Variants in SLC16A7 observed in about 807,000 individuals in gnomAD.
The protein encoded by SLC16A7 is solute carrier family 16 member 7.
Under a neutral mutation model 34.9 loss-of-function variants are expected in SLC16A7, and 33 were observed. The observed-to-expected ratio is 0.94, with a 90% CI of 0.72 to 1.26. The LOEUF is 1.26. Among genes scored for constraint, SLC16A7 ranks in the 50% most tolerant of loss-of-function variants. SLC16A7 has a pLI of 0.00. For missense variants in SLC16A7, 573 were observed against 578.1 expected, an observed-to-expected ratio of 0.99 and a Z score of 0.09; for synonymous variants, 201 against 206.6, an observed-to-expected ratio of 0.97 and a Z score of 0.23.
intron 1 of SLC16A7, among the ~76,000 whole-genome samples, chr12:59,625,639 A>G (rs1348272290): frequency 6.6e-6 from 1 of 151,838 alleles, no homozygotes; most frequent in East Asian, 1.9e-4. Flanking sequence ...AGTTGAAAAT[A>G]AGAGTAACAA....
At chr12:59,673,622 C>A (rs1435067205) in intron 2 of SLC16A7, among the ~76,000 whole-genome samples, 1 of 151,868 alleles carries the variant, frequency 6.6e-6, no homozygotes, top group Non-Finnish European at 1.5e-5. Flanking sequence ...TCTCATATAA[C>A]CCAAAAGGAC....
intron 3 of SLC16A7, chr12:59,720,087 C>T (rs1031570930): frequency 4.3e-6 from 3 of 700,266 alleles, no homozygotes; most frequent in Non-Finnish European, 7.8e-6. Flanking sequence ...AGGTTGGTAT[C>T]ATATGCAATA....
At position 59,752,735 on chromosome 12, in the gene SLC16A7, G is replaced by C. The variant is rs141325901; in HGVS notation, c.218-18484G>C. 4.9e-3 allele frequency among the ~76,000 whole-genome samples: 743 copies of C among 152,204 alleles called. 5 individuals are homozygous for C. Among genetic ancestry groups the C allele is most frequent in the African/African-American group, 0.018 (729 of 41,530 alleles). The stretch of plus-strand genomic sequence containing the variant: ...ATCTAGCAAGGCAGGCCAACATTCA[G>C]GTTCAGGAAATACAGAGAACGCCAC... On this transcript the variant is annotated intron_variant, in intron 3 of 5. Transcript: ENST00000547379.
At chr12:59,729,241 C>T (rs1018810362) in intron 3 of SLC16A7, among the ~76,000 whole-genome samples, 30 of 152,330 alleles carry the variant, frequency 2.0e-4, no homozygotes, top group African/African-American at 7.2e-4. Context: ...CACAATTTCA[C>T]AGAATCCATA....
intron 1 of SLC16A7, among the ~76,000 whole-genome samples, chr12:59,621,789 TAGG>T (rs997769418): frequency 1.3e-5 from 2 of 151,618 alleles, no homozygotes; most frequent in African/African-American, 4.8e-5. Flanking sequence ...TTTATTTAGG[TAGG>T]GGGGTTGGGG....
Position 59,779,466 on chromosome 12 carries a change from G to T in SLC16A7, c.1224G>T (p.Met408Ile). ...DLTGEYKYMY[M>I]SCGAIVVAAS... ...CTGGAGAATATAAATACATGTACAT[G>T]TCCTGTGGGGCTATTGTGGTAGCAG... is the stretch of plus-strand genomic sequence containing the variant. The change falls in exon 6 of 6, where the codon ATG becomes ATT. Residue 408 changes from methionine to isoleucine, a missense_variant. Transcript: ENST00000547379. 1 of 1,611,158 alleles carries T rather than the reference G, an allele frequency of 6.2e-7. No individual in the cohort carries two copies. Among genetic ancestry groups the T allele is most frequent in the South Asian group, 1.1e-5 (1 of 90,996 alleles).
At chr12:59,767,948 TG>T (rs1398800013) in intron 3 of SLC16A7, among the ~76,000 whole-genome samples, 1 of 65,076 alleles carries the variant, frequency 1.5e-5, no homozygotes, top group East Asian at 4.5e-4. Flanking sequence ...TGTCGTGGGG[TG>T]GGGGGAAGGG....
At chr12:59,753,358 C>A (rs931383965) in intron 3 of SLC16A7, among the ~76,000 whole-genome samples, 3 of 152,204 alleles carry the variant, frequency 2.0e-5, no homozygotes, top group East Asian at 3.9e-4. Context: ...ATTCAGGAAA[C>A]CCATTTCATG....
intron 1 of SLC16A7, among the ~76,000 whole-genome samples, chr12:59,601,204 G>A (rs1051256411): frequency 4.6e-5 from 7 of 152,132 alleles, no homozygotes; most frequent in Non-Finnish European, 8.8e-5. Flanking sequence ...AATACAATAT[G>A]TATCATTATT....
intron 3 of SLC16A7, among the ~76,000 whole-genome samples, chr12:59,732,638 T>A (rs940528553): frequency 7.2e-5 from 11 of 152,208 alleles, no homozygotes; most frequent in African/African-American, 2.7e-4. Context: ...CTTCCTGTAT[T>A]ACTTAAATTT....
intron 3 of SLC16A7, among the ~76,000 whole-genome samples, chr12:59,729,030 A>G (rs1041000199): frequency 6.6e-6 from 1 of 152,208 alleles, no homozygotes; most frequent in African/African-American, 2.4e-5. Flanking sequence ...AAATTGCAAA[A>G]TACCTTTTCA....
intron 3 of SLC16A7, among the ~76,000 whole-genome samples, chr12:59,731,143 A>G (rs931220334): frequency 5.3e-5 from 8 of 152,192 alleles, no homozygotes; most frequent in African/African-American, 1.9e-4. Context: ...AAAATATTCA[A>G]GCTTAAATAT....
intron 2 of SLC16A7, among the ~76,000 whole-genome samples, chr12:59,700,597 TTATG>T (rs1872761843): frequency 1.3e-5 from 2 of 150,836 alleles, no homozygotes; most frequent in South Asian, 4.1e-4. Context: ...TATATTTAGT[TTATG>T]TATTACATAT....
chr12:59,623,542 CAT>C, intron 1 of SLC16A7, among the ~76,000 whole-genome samples: 1 of 150,776 alleles, frequency 6.6e-6, no homozygotes, highest in South Asian at 2.1e-4. Flanking sequence ...ATTGAGATAC[CAT>C]ATATGTTGTC....
intron 3 of SLC16A7, among the ~76,000 whole-genome samples, chr12:59,766,862 G>T (rs973579107): frequency 6.6e-6 from 1 of 152,090 alleles, no homozygotes; most frequent in Non-Finnish European, 1.5e-5. Context: ...AGTTAGGGAG[G>T]ATTCCCTCTT....
intron 3 of SLC16A7, among the ~76,000 whole-genome samples, chr12:59,769,934 A>G (rs1352296087): frequency 2.0e-5 from 3 of 152,218 alleles, no homozygotes; most frequent in Middle Eastern, 3.4e-3. Flanking sequence ...TAAGAATGAA[A>G]TATGAAAGCA....
Position 59,771,360 on chromosome 12 carries a change from C to A in SLC16A7, c.359C>A (p.Thr120Lys). The change falls in exon 4 of 6, where the codon ACA becomes AAA. Residue 120 changes from threonine to lysine, a missense_variant and splice_region_variant. By Grantham distance (78) the Thr-to-Lys change is moderately conservative. Coordinates refer to ENST00000547379, the MANE Select transcript of SLC16A7 (RefSeq NM_001270623.2). ...VQLYLTMGFI[T>K]GLGLAFNLQP... ...CTGTACCTCACTATGGGATTCATTACAGGTAAGCCATTTAGTCTTCAGCTT... is the reference window on the plus strand; with the variant it reads ...CTGTACCTCACTATGGGATTCATTAAAGGTAAGCCATTTAGTCTTCAGCTT... 1 of 1,591,328 alleles carries A rather than the reference C, an allele frequency of 6.3e-7. No individual in the cohort carries two copies. The highest frequency in any genetic ancestry group is 8.6e-7 in the Non-Finnish European group (1 of 1,168,936).
intron 1 of SLC16A7, among the ~76,000 whole-genome samples, chr12:59,635,203 C>A (rs1372126161): frequency 2.6e-5 from 4 of 151,998 alleles, no homozygotes; most frequent in Non-Finnish European, 2.9e-5. Context: ...CTGACCTCTC[C>A]CTATAAATCT....
intron 2 of SLC16A7, among the ~76,000 whole-genome samples, chr12:59,696,839 A>T (rs1872356179): frequency 6.6e-6 from 1 of 151,974 alleles, no homozygotes; most frequent in Admixed American, 6.6e-5. Flanking sequence ...TAAGTAGTAG[A>T]TAAGAAAATG....
Sources: gnomAD v4.1 joint callset for allele counts (sites outside exome capture counted in the v4.1 genomes callset) on GRCh38, gnomAD v4.1.1 for gene constraint, MANE v1.5 for transcripts, NCBI Gene and HGNC (gene_info 2026-07-23, HGNC 2026-07-21) for gene names.